The following CIB2 variants were observed in gnomAD, a reference collection of about 807,000 sequenced individuals.
The protein encoded by CIB2 is calcium and integrin binding family member 2.
Under a neutral mutation model 23.1 loss-of-function variants are expected in CIB2, and 19 were observed. That is an observed-to-expected ratio of 0.82 (90% CI 0.57 to 1.21). CIB2 has a LOEUF of 1.21. Among genes scored for constraint, CIB2 ranks in the 50% most tolerant of loss-of-function variants. CIB2 has a pLI of 0.00. For synonymous variants in CIB2, 94 were observed against 91.7 expected, an observed-to-expected ratio of 1.03 and a Z score of -0.14; for missense variants, 220 against 241.5, an observed-to-expected ratio of 0.91 and a Z score of 0.59.
intron 2 of CIB2, among the ~76,000 whole-genome samples, chr15:78,121,288 C>T (rs1041251587): frequency 6.6e-6 from 1 of 152,138 alleles, no homozygotes; most frequent in Admixed American, 6.5e-5. Context: ...ATGCTGCAGA[C>T]GGGGCCTCAG....
In CIB2 at chr15:78,125,653, C is replaced by T. The variant is rs531031295; in HGVS notation, c.52-1914G>A. ...AAATGTAGATTCTTAGGCTCCACTCCAGATCTCTTGAATCAGAAACTCTGT... is the reference window on the plus strand; with the variant it reads ...AAATGTAGATTCTTAGGCTCCACTCTAGATCTCTTGAATCAGAAACTCTGT... On this transcript the variant is annotated intron_variant, in intron 1 of 5. Transcript: ENST00000258930. 5.9e-5 allele frequency among the ~76,000 whole-genome samples: 9 copies of T among 152,280 alleles called. 2 individuals are homozygous for T. In the South Asian group the frequency reaches 1.9e-3, roughly 32 times the overall value.
chr15:78,119,259 C>G (rs1474236970), intron 2 of CIB2, among the ~76,000 whole-genome samples: 1 of 152,176 alleles, frequency 6.6e-6, no homozygotes, highest in East Asian at 1.9e-4. Context: ...CATGTTGTAG[C>G]ATGGGTCAGA....
chr15:78,118,935 C>A (rs554961286), intron 2 of CIB2, among the ~76,000 whole-genome samples: 2 of 152,248 alleles, frequency 1.3e-5, no homozygotes, highest in South Asian at 4.1e-4. Flanking sequence ...AATCCTAGCA[C>A]TTTGGGAGGC....
intron 1 of CIB2, among the ~76,000 whole-genome samples, chr15:78,128,218 G>A (rs534136627): frequency 1.4e-3 from 209 of 152,268 alleles, no homozygotes; most frequent in African/African-American, 4.9e-3. Context: ...CAGGGAGCCC[G>A]TCCCAAAGAG....
intron 2 of CIB2, among the ~76,000 whole-genome samples, chr15:78,118,276 T>C (rs888666562): frequency 3.9e-5 from 6 of 152,160 alleles, no homozygotes; most frequent in East Asian, 3.8e-4. Context: ...AAGATCTTTT[T>C]TCTTATCTTT....
intron 4 of CIB2, among the ~76,000 whole-genome samples, chr15:78,108,063 T>G (rs1173414459): frequency 6.6e-6 from 1 of 151,128 alleles, no homozygotes; most frequent in African/African-American, 2.4e-5. Context: ...TCTCAGCTAC[T>G]CAGGAGGCTG....
chr15:78,128,044 A>G lies in CIB2; in HGVS notation c.51+3121T>C, dbSNP rs968986904. Among the ~76,000 whole-genome samples the G allele has an allele frequency of 3.3e-5, 5 of 152,178 alleles. 1 individual carries two copies. Among genetic ancestry groups the G allele is most frequent in the Non-Finnish European group, 7.4e-5 (5 of 68,018 alleles). ...TTCATTCATTTGACAACATCCTCCA[A>G]ACATCTCTTTTGTGCCTGGACAGAG... On this transcript the variant is annotated intron_variant, in intron 1 of 5. Coordinates refer to ENST00000258930, the MANE Select transcript of CIB2 (RefSeq NM_006383.4).
In CIB2 at chr15:78,104,993, A is replaced by C; in HGVS notation, c.*318T>G. 1 of 344,068 alleles carries C rather than the reference A, an allele frequency of 2.9e-6. No individual in the cohort carries two copies. The highest frequency in any genetic ancestry group is 5.2e-6 in the Non-Finnish European group (1 of 192,056). The allele number at this position is 344,068 out of a possible 1,614,324, so 21.3% of individuals were successfully genotyped here. ...AGACCCCACCACCTCCTGTTGGGTT[A>C]TCTGCTTTTCCCTCTTTGGGGGGGT... On this transcript the variant is annotated 3_prime_UTR_variant, in exon 6 of 6. Coordinates refer to ENST00000258930, the MANE Select transcript of CIB2 (RefSeq NM_006383.4). The surrounding 1 kb of genome is among the most constrained non-coding windows in gnomAD (Gnocchi z 4.4).
At chr15:78,122,271 A>T (rs2074330374) in intron 2 of CIB2, among the ~76,000 whole-genome samples, 1 of 152,130 alleles carries the variant, frequency 6.6e-6, no homozygotes, top group Non-Finnish European at 1.5e-5. Context: ...GGCAGAGGAG[A>T]GGCGAAGGAC....
At chr15:78,122,924 C>A (rs574661271) in intron 2 of CIB2, among the ~76,000 whole-genome samples, 2 of 152,238 alleles carry the variant, frequency 1.3e-5, no homozygotes, top group Admixed American at 1.3e-4. Context: ...TGGTCCCAGC[C>A]TGACCATCGA....
intron 2 of CIB2, among the ~76,000 whole-genome samples, chr15:78,118,488 C>CA (rs2074271230): frequency 6.6e-6 from 1 of 150,730 alleles, no homozygotes; most frequent in East Asian, 2.0e-4. Context: ...ACTCAGGAGG[C>CA]TGAGGCAGGA....
At chr15:78,115,754 T>C (rs1292091589) in intron 2 of CIB2, among the ~76,000 whole-genome samples, 1 of 141,652 alleles carries the variant, frequency 7.1e-6, no homozygotes, top group Non-Finnish European at 1.5e-5. Flanking sequence ...CTCAGCTCAC[T>C]GCAGCCTCCG....
At chr15:78,111,400 C>A in intron 2 of CIB2, 124 bp from the exon 3 acceptor site, 1 of 696,454 alleles carries the variant, frequency 1.4e-6, no homozygotes, top group South Asian at 1.8e-5. Flanking sequence ...GGTAAGGGGC[C>A]AATGGGAGGC....
At chr15:78,106,064 C>T in intron 4 of CIB2, 130 bp from the exon 5 acceptor site, 1 of 737,512 alleles carries the variant, frequency 1.4e-6, no homozygotes, top group South Asian at 1.8e-5. Context: ...CATCTCCATG[C>T]ACACTCTTGG....
At chr15:78,105,578 A>T in intron 5 of CIB2, 161 bp downstream of exon 5, 1 of 1,497,090 alleles carries the variant, frequency 6.7e-7, no homozygotes, top group Non-Finnish European at 8.9e-7. Flanking sequence ...CAGGGGACAA[A>T]GGCCAGTCAC....
chr15:78,117,010 T>G (rs2074249496), intron 2 of CIB2, among the ~76,000 whole-genome samples: 1 of 151,380 alleles, frequency 6.6e-6, no homozygotes, highest in Admixed American at 6.6e-5. Context: ...TGTACTAATT[T>G]TGAAGTATCA....
chr15:78,129,083 C>T (rs2074420210), intron 1 of CIB2, among the ~76,000 whole-genome samples: 1 of 152,012 alleles, frequency 6.6e-6, no homozygotes, highest in Non-Finnish European at 1.5e-5. Flanking sequence ...TGGGAATCAC[C>T]GGCACCGGGA....
chr15:78,126,144 C>A (rs1000588481), intron 1 of CIB2, among the ~76,000 whole-genome samples: 27 of 144,036 alleles, frequency 1.9e-4, no homozygotes, highest in African/African-American at 7.1e-4. Context: ...TCCCCTGCCC[C>A]CCCCCCTTTT....
At chr15:78,110,228 G>C (rs138910554) in intron 3 of CIB2, among the ~76,000 whole-genome samples, 3 of 152,360 alleles carry the variant, frequency 2.0e-5, no homozygotes, top group African/African-American at 7.2e-5. Flanking sequence ...TCCCAACTGA[G>C]CTAGCGCTTG....
Sources: allele counts gnomAD v4.1 joint callset (sites outside exome capture counted in the v4.1 genomes callset), GRCh38; gene constraint gnomAD v4.1.1; non-coding constraint Gnocchi (gnomAD v3.1); transcripts MANE v1.5; gene names NCBI Gene and HGNC (gene_info 2026-07-23, HGNC 2026-07-21).